DLG2: variants seen among roughly 807,000 people sequenced by gnomAD.
DLG2 encodes the protein discs large MAGUK scaffold protein 2, also known as disks large homolog 2.
DLG2 carries 45 observed loss-of-function variants against 132.5 expected under a neutral mutation model. The ratio of observed to expected loss-of-function variants is 0.34; its 90% CI spans 0.27 to 0.44. DLG2 has a LOEUF of 0.44. Ranked by LOEUF, DLG2 falls within the 20% of genes least tolerant of loss-of-function variation. The pLI, the probability that DLG2 is intolerant of heterozygous loss-of-function variation, is 1.00. For missense variants in DLG2, 1,045 were observed against 1,196.9 expected (o/e 0.87, Z 1.87); for synonymous variants, 424 against 419.6 (o/e 1.01, Z -0.13).
At chr11:85,307,024 A>AG (rs1216289233) in intron 3 of DLG2, among the ~76,000 whole-genome samples, 4 of 152,194 alleles carry the variant, frequency 2.6e-5, no homozygotes, top group African/African-American at 4.8e-5. Context: ...GGCTGCAAGG[A>AG]GGGGGGATGA....
chr11:85,035,273 C>T (rs1392608296), intron 6 of DLG2, among the ~76,000 whole-genome samples: 1 of 152,168 alleles, frequency 6.6e-6, no homozygotes, highest in Non-Finnish European at 1.5e-5. Flanking sequence ...ACTTAACACT[C>T]ACCCCTTGAA....
intron 19 of DLG2, among the ~76,000 whole-genome samples, chr11:83,590,650 C>T (rs1202110755): frequency 6.6e-6 from 1 of 152,060 alleles, no homozygotes; most frequent in African/African-American, 2.4e-5. Flanking sequence ...CAGAGCAGAA[C>T]TGAAGGTAAT....
At chr11:84,357,943 A>G (rs998396049) in intron 7 of DLG2, among the ~76,000 whole-genome samples, 1 of 151,992 alleles carries the variant, frequency 6.6e-6, no homozygotes. Context: ...GAATTAAAAC[A>G]TTGGTATATA....
chr11:85,603,655 C>G (rs1330277775), intron 2 of DLG2, among the ~76,000 whole-genome samples: 1 of 151,966 alleles, frequency 6.6e-6, no homozygotes, highest in Non-Finnish European at 1.5e-5. Context: ...GTGGCTCACA[C>G]CTATAATTCC....
chr11:84,997,421 C>G (rs1202420902), intron 6 of DLG2: 1 of 152,192 alleles, frequency 6.6e-6, no homozygotes, highest in Non-Finnish European at 1.5e-5. Flanking sequence ...GAGATCCTGT[C>G]TTATGTGCCC....
intron 7 of DLG2, among the ~76,000 whole-genome samples, chr11:84,508,257 T>A (rs2099247370): frequency 6.6e-6 from 1 of 152,190 alleles, no homozygotes; most frequent in African/African-American, 2.4e-5. Context: ...TTTTTGCTGT[T>A]TCTTGAACAT....
intron 3 of DLG2, among the ~76,000 whole-genome samples, chr11:85,567,157 C>T (rs183006209): frequency 3.3e-5 from 5 of 152,248 alleles, no homozygotes; most frequent in East Asian, 1.9e-4. Context: ...CTATTTGAGA[C>T]GCCCTCATAA....
intron 8 of DLG2, among the ~76,000 whole-genome samples, chr11:84,191,822 A>T (rs2154291385): frequency 6.6e-6 from 1 of 152,278 alleles, no homozygotes; most frequent in South Asian, 2.1e-4. Flanking sequence ...AACTGTGGAC[A>T]TTTAGTTAAG....
chr11:85,538,530 T>C (rs1598370190), intron 3 of DLG2, among the ~76,000 whole-genome samples: 1 of 151,996 alleles, frequency 6.6e-6, no homozygotes, highest in Admixed American at 6.5e-5. Flanking sequence ...ATTATAAAGA[T>C]ACATGCATCC....
At chr11:83,571,066 G>A (rs965787095) in intron 19 of DLG2, among the ~76,000 whole-genome samples, 1 of 152,092 alleles carries the variant, frequency 6.6e-6, no homozygotes, top group East Asian at 1.9e-4. Flanking sequence ...ATTTTTAGTA[G>A]AGACAGGGTT....
In DLG2 at chr11:84,814,411, G is replaced by T. The variant is rs149029137; in HGVS notation, c.358-279680C>A. 1.4e-4 allele frequency among the ~76,000 whole-genome samples: 21 copies of T among 152,160 alleles called. No individual in the cohort carries two copies. In the East Asian group the frequency reaches 4.1e-3, roughly 30 times the overall value. ...ATTTCAGACACCCATAGCTACCAGA[G>T]TGATCAATCCAAAACAGAAATCTCA... On this transcript the variant is annotated intron_variant, in intron 6 of 27. Transcript: ENST00000376104.
intron 4 of DLG2, among the ~76,000 whole-genome samples, chr11:85,278,475 C>T (rs1293737582): frequency 6.6e-6 from 1 of 152,054 alleles, no homozygotes; most frequent in Admixed American, 6.6e-5. Context: ...TAGTGCATGC[C>T]TGTAATCTCA....
At chr11:84,851,539 T>C (rs978537040) in intron 6 of DLG2, among the ~76,000 whole-genome samples, 8 of 152,034 alleles carry the variant, frequency 5.3e-5, no homozygotes. Flanking sequence ...GAAAGATGAT[T>C]ATCAGTCTTA....
intron 6 of DLG2, among the ~76,000 whole-genome samples, chr11:84,687,784 A>G (rs2099739391): frequency 6.6e-6 from 1 of 152,200 alleles, no homozygotes; most frequent in South Asian, 2.1e-4. Context: ...ATACATATAC[A>G]CATTAAATGT....
At chr11:85,610,187 T>A (rs1420729360) in intron 2 of DLG2, among the ~76,000 whole-genome samples, 1 of 152,158 alleles carries the variant, frequency 6.6e-6, no homozygotes, top group Non-Finnish European at 1.5e-5. Context: ...CTGAAGCTCA[T>A]AAAGGATTAC....
intron 6 of DLG2, among the ~76,000 whole-genome samples, chr11:85,064,607 G>A (rs908719760): frequency 3.3e-5 from 5 of 151,852 alleles, no homozygotes; most frequent in African/African-American, 1.2e-4. Context: ...AAAGGGGTGC[G>A]ATAGTTAGTT....
At chr11:85,419,497 T>G (rs2090129288) in intron 3 of DLG2, among the ~76,000 whole-genome samples, 1 of 152,256 alleles carries the variant, frequency 6.6e-6, no homozygotes, top group African/African-American at 2.4e-5. Flanking sequence ...GAAGTTCTCA[T>G]GGATAATATC....
chr11:84,957,156 G>T (rs1301367151), intron 6 of DLG2, among the ~76,000 whole-genome samples: 1 of 152,066 alleles, frequency 6.6e-6, no homozygotes, highest in East Asian at 1.9e-4. Context: ...AGATAAAATG[G>T]TTAAGTACCT....
intron 6 of DLG2, among the ~76,000 whole-genome samples, chr11:84,781,030 T>G (rs2071668393): frequency 6.8e-6 from 1 of 146,658 alleles, no homozygotes. Flanking sequence ...AAGACTTCAT[T>G]GTCTGCCAAA....
Sources: allele counts gnomAD v4.1 joint callset (sites outside exome capture counted in the v4.1 genomes callset), GRCh38; gene constraint gnomAD v4.1.1; transcripts MANE v1.5; gene names NCBI Gene and HGNC (gene_info 2026-07-23, HGNC 2026-07-21).